The following TGFB1 variants were observed in gnomAD, a reference collection of about 807,000 sequenced individuals.
TGFB1 encodes the protein transforming growth factor beta 1.
TGFB1 carries 19 observed loss-of-function variants against 43.8 expected under a neutral mutation model. That is an observed-to-expected ratio of 0.43 (90% CI 0.30 to 0.64). TGFB1 has a LOEUF of 0.64. Among genes scored for constraint, TGFB1 ranks in the 30% least tolerant of loss-of-function variants. TGFB1 has a pLI of 0.11. For missense variants in TGFB1, 445 were observed against 529.8 expected (o/e 0.84, Z 1.57); for synonymous variants, 221 against 236.3 (o/e 0.94, Z 0.60).
intron 1 of TGFB1, 89 bp from the exon 2 acceptor site, chr19:41,348,544 C>G: frequency 2.2e-6 from 3 of 1,337,390 alleles, no homozygotes; most frequent in Non-Finnish European, 3.2e-6. Context: ...TTGGAGCTGA[C>G]AGCTCTGGGG....
intron 5 of TGFB1, among the ~76,000 whole-genome samples, chr19:41,336,044 G>T (rs1322059792): frequency 6.8e-6 from 1 of 146,212 alleles, no homozygotes; most frequent in Non-Finnish European, 1.5e-5. Context: ...GCCCCAGGCT[G>T]GAGTGCAGTG....
At position 41,353,259 on chromosome 19, in the gene TGFB1, T is replaced by A; in HGVS notation, c.-215A>T. 1.8e-6 allele frequency: 1 copy of A among 557,084 alleles called. No individual in the cohort carries two copies. Among genetic ancestry groups the A allele is most frequent in the East Asian group, 3.2e-5 (1 of 31,198 alleles). 34.5% of individuals were successfully genotyped at this position (557,084 alleles called of 1,614,324 possible). On this transcript the variant is annotated 5_prime_UTR_variant, in exon 1 of 7. Coordinates refer to ENST00000221930, the MANE Select transcript of TGFB1 (RefSeq NM_000660.7). The surrounding 1 kb of genome is among the most constrained non-coding windows in gnomAD (Gnocchi z 5.9). ...ACGGAAATAACCTAGATGGGCGCGA[T>A]CTGGTACCAGAAGGTGGGTGGTCTT... is the stretch of plus-strand genomic sequence containing the variant.
Position 41,341,818 on chromosome 19 carries a change from C to T in TGFB1, c.860+65G>A, listed in dbSNP as rs200815055. 3 of 1,607,202 alleles carry T rather than the reference C, an allele frequency of 1.9e-6. No individual in the cohort carries two copies. In the South Asian group the frequency reaches 3.3e-5, roughly 18 times the overall value. On this transcript the variant is annotated intron_variant, in intron 5 of 6. Transcript: ENST00000221930. Reference sequence around the variant, plus strand: ...GCAGCCAGGTGTCCAACCTGGAGCACCTGGTCAGCAGATGGCAGTCATGCC... The same window carrying T: ...GCAGCCAGGTGTCCAACCTGGAGCATCTGGTCAGCAGATGGCAGTCATGCC...
At chr19:41,349,038 C>T (rs1040338578) in intron 1 of TGFB1, among the ~76,000 whole-genome samples, 2 of 152,104 alleles carry the variant, frequency 1.3e-5, no homozygotes, top group Admixed American at 6.6e-5. Flanking sequence ...AGCATCATCT[C>T]TCAAGTCGAC....
rs2037919960 is a variant in TGFB1, at chr19:41,330,804, A to G, written c.*248T>C. ...CTGTGCCTTGATGCCGGGCAAAGGA[A>G]TAGTGCAGACAGGCAGGAGGAGGCA... On this transcript the variant is annotated 3_prime_UTR_variant, in exon 7 of 7. Coordinates refer to ENST00000221930, the MANE Select transcript of TGFB1 (RefSeq NM_000660.7). 2.1e-6 allele frequency: 1 copy of G among 484,694 alleles called. No individual in the cohort carries two copies. Among genetic ancestry groups the G allele is most frequent in the Non-Finnish European group, 3.7e-6 (1 of 271,930 alleles). 30.0% of individuals were successfully genotyped at this position (484,694 alleles called of 1,614,324 possible).
In TGFB1 at chr19:41,348,493, G is replaced by C. The variant is rs771751012; in HGVS notation, c.356-38C>G. 4 of 1,607,900 alleles carry C rather than the reference G, an allele frequency of 2.5e-6. No homozygotes were observed. In the Admixed American group the frequency reaches 6.7e-5, roughly 27 times the overall value. ...AATGAAGGGAGGCGATCAGGGGTTT[G>C]GCAGAGGTGAGGGGAGCTGGTGCTC... On this transcript the variant is annotated intron_variant, in intron 1 of 6. Transcript: ENST00000221930.
rs143267252 is a variant in TGFB1 at position 41,352,672 on chromosome 19, C to T, written c.355+18G>A. Reference sequence around the variant, plus strand: ...CCTGGGGGCCCCCCTCCCGGCTCCCCTGCCCCTCCGAGCTCACCGTTGTGG... The same window carrying T: ...CCTGGGGGCCCCCCTCCCGGCTCCCTTGCCCCTCCGAGCTCACCGTTGTGG... On this transcript the variant is annotated intron_variant, in intron 1 of 6. Coordinates refer to ENST00000221930, the MANE Select transcript of TGFB1 (RefSeq NM_000660.7). 1 of 1,612,048 alleles carries T rather than the reference C, an allele frequency of 6.2e-7. No homozygotes were observed. Among genetic ancestry groups the T allele is most frequent in the Non-Finnish European group, 8.5e-7 (1 of 1,179,636 alleles).
In TGFB1 at chr19:41,330,507, T is replaced by G. The variant is rs2037917277; in HGVS notation, c.*545A>C. On this transcript the variant is annotated 3_prime_UTR_variant, in exon 7 of 7. Transcript: ENST00000221930. ...TCTCTGCCTCCCAAAAGTGCTAGGA[T>G]TACAGGCGTGAGCCACCCCGCCTGG... The G allele has an allele frequency of 6.6e-6, 1 of 152,582 alleles. No individual in the cohort carries two copies. Among genetic ancestry groups the G allele is most frequent in the African/African-American group, 2.4e-5 (1 of 41,450 alleles). 9.5% of individuals were successfully genotyped at this position (152,582 alleles called of 1,614,324 possible).
In TGFB1 at chr19:41,330,999, G is replaced by T; in HGVS notation, c.*53C>A. On this transcript the variant is annotated 3_prime_UTR_variant, in exon 7 of 7. Coordinates refer to ENST00000221930, the MANE Select transcript of TGFB1 (RefSeq NM_000660.7). The stretch of plus-strand genomic sequence containing the variant: ...AGCCCCCATGGGCAAGGCAGCGGGG[G>T]CGGGGCGGGGTGGGGCCGGGCCTGC... The T allele has an allele frequency of 6.9e-7, 1 of 1,441,640 alleles. No homozygotes were observed. Among genetic ancestry groups the T allele is most frequent in the Non-Finnish European group, 9.1e-7 (1 of 1,093,626 alleles). The allele number at this position is 1,441,640 out of a possible 1,614,324, so 89.3% of individuals were successfully genotyped here. A position where few individuals can be genotyped will look rare whatever the true frequency, so the allele number is the denominator to read the frequency against.
rs1469094001 is a variant in TGFB1 at position 41,330,991 on chromosome 19, CAGCGGG to C, written c.*55_*60del. 1.7e-5 allele frequency: 21 copies of C among 1,225,416 alleles called. No homozygotes were observed. The South Asian group carries it at 2.2e-4, about 13-fold the overall frequency. The allele number at this position is 1,225,416 out of a possible 1,614,324, so 75.9% of individuals were successfully genotyped here. A position where few individuals can be genotyped will look rare whatever the true frequency, so the allele number is the denominator to read the frequency against. On this transcript the variant is annotated 3_prime_UTR_variant, in exon 7 of 7. Coordinates refer to ENST00000221930, the MANE Select transcript of TGFB1 (RefSeq NM_000660.7). ...TTAAATACAGCCCCCATGGGCAAGG[CAGCGGG>C]GGCGGGGCGGGGTGGGGCCGGGCCT...
At chr19:41,349,069 A>G (rs944406236) in intron 1 of TGFB1, among the ~76,000 whole-genome samples, 1 of 152,158 alleles carries the variant, frequency 6.6e-6, no homozygotes, top group Non-Finnish European at 1.5e-5. Flanking sequence ...ACCAAGGGGA[A>G]CCACTCTGTT....
rs748901865 is a variant in TGFB1, at chr19:41,331,091, C to T, written c.1134G>A (p.Gln378=). 6.3e-7 allele frequency: 1 copy of T among 1,587,894 alleles called. No homozygotes were observed. Among genetic ancestry groups the T allele is most frequent in the South Asian group, 1.1e-5 (1 of 87,804 alleles). ...YYVGRKPKVE[Q]LSNMIVRSCK... The stretch of plus-strand genomic sequence containing the variant: ...AGGAGCGCACGATCATGTTGGACAG[C>T]TGCTCCACCTTGGGCTTGCGGCCCA... Residue 378 remains glutamine, a synonymous_variant, in exon 7 of 7, where the codon CAG becomes CAA. Transcript: ENST00000221930.
chr19:41,338,191 CAA>C (rs112843512), intron 5 of TGFB1, among the ~76,000 whole-genome samples: 1 of 135,812 alleles, frequency 7.4e-6, no homozygotes, highest in African/African-American at 2.7e-5. Context: ...GACTCTGTCT[CAA>C]AAAAAAAAAC....
chr19:41,335,793 C>T lies in TGFB1; in HGVS notation c.861-3512G>A, dbSNP rs565688265. ...CGCTTGAGCCCAAGGAGTTTAAGAC[C>T]AGCCTGGGGAGCATAGTGAGACCCT... On this transcript the variant is annotated intron_variant, in intron 5 of 6. Coordinates refer to ENST00000221930, the MANE Select transcript of TGFB1 (RefSeq NM_000660.7). Among the ~76,000 whole-genome samples the T allele has an allele frequency of 2.6e-4, 39 of 152,156 alleles. 1 individual carries two copies. In the South Asian group the frequency reaches 7.9e-3, roughly 31 times the overall value.
chr19:41,333,434 C>G (rs556530583), intron 5 of TGFB1, among the ~76,000 whole-genome samples: 1 of 151,932 alleles, frequency 6.6e-6, no homozygotes, highest in African/African-American at 2.4e-5. Context: ...AGGCTGGTCT[C>G]GAACTCCTGA....
intron 5 of TGFB1, among the ~76,000 whole-genome samples, chr19:41,333,272 G>A (rs2037955513): frequency 7.0e-6 from 1 of 143,606 alleles, no homozygotes; most frequent in Non-Finnish European, 1.5e-5. Context: ...GAGTGCAGTG[G>A]CATGATCTCG....
chr19:41,347,420 C>A (rs770927102), intron 2 of TGFB1, among the ~76,000 whole-genome samples: 1 of 152,168 alleles, frequency 6.6e-6, no homozygotes, highest in South Asian at 2.1e-4. Flanking sequence ...GAGCCCCCAA[C>A]CTTTTCAGAG....
intron 5 of TGFB1, among the ~76,000 whole-genome samples, chr19:41,333,842 GTGCAATACGGTATTGCAGTTA>G (rs2037961156): frequency 1.3e-5 from 2 of 152,190 alleles, no homozygotes; most frequent in Admixed American, 6.5e-5. Context: ...GTTCCATTTA[GTGCAATACGGTATTGCAGTTA>G]TGCAAGAAAA....
chr19:41,342,049 C>G lies in TGFB1; in HGVS notation c.713-19G>C. On this transcript the variant is annotated intron_variant, in intron 4 of 6. Coordinates refer to ENST00000221930, the MANE Select transcript of TGFB1 (RefSeq NM_000660.7). ...GTGAACCCTGCTTTGGTGTGGGAGTCAGGGGATAGGGGACATACACACACA... is the reference window on the plus strand; with the variant it reads ...GTGAACCCTGCTTTGGTGTGGGAGTGAGGGGATAGGGGACATACACACACA... 6.2e-7 allele frequency: 1 copy of G among 1,614,136 alleles called. No homozygotes were observed. Among genetic ancestry groups the G allele is most frequent in the Non-Finnish European group, 8.5e-7 (1 of 1,180,014 alleles).
Sources: allele counts gnomAD v4.1 joint callset (sites outside exome capture counted in the v4.1 genomes callset), GRCh38; gene constraint gnomAD v4.1.1; non-coding constraint Gnocchi (gnomAD v3.1); transcripts MANE v1.5; gene names NCBI Gene and HGNC (gene_info 2026-07-23, HGNC 2026-07-21).